Variants in ASB5 observed in about 807,000 individuals in gnomAD.
ASB5 encodes ankyrin repeat and SOCS box protein 5.
ASB5 carries 45 observed loss-of-function variants against 42.1 expected under a neutral mutation model. The observed-to-expected ratio is 1.07, with a 90% confidence interval of 0.84 to 1.37. The LOEUF is 1.37. Ranked by LOEUF, ASB5 falls within the 40% of genes most tolerant of loss-of-function variation. The pLI is 0.00. For synonymous variants in ASB5, 147 were observed against 150.6 expected (o/e 0.98, Z 0.18); for missense variants, 402 against 399.8 (o/e 1.01, Z -0.05).
At chr4:176,255,773 G>T (rs1340450505) in intron 1 of ASB5, among the ~76,000 whole-genome samples, 1 of 152,144 alleles carries the variant, frequency 6.6e-6, no homozygotes, top group African/African-American at 2.4e-5. Context: ...CTCAGTACCT[G>T]GGTGATGAGA....
chr4:176,257,439 C>A (rs1442889516), intron 1 of ASB5, among the ~76,000 whole-genome samples: 3 of 152,174 alleles, frequency 2.0e-5, no homozygotes, highest in Non-Finnish European at 4.4e-5. Flanking sequence ...ACTCCCAACT[C>A]TGAACTAGCC....
At position 176,216,903 on chromosome 4, in the gene ASB5, G is replaced by A. The variant is rs140485541; in HGVS notation, c.777C>T (p.Ile259=). 4.3e-6 allele frequency: 7 copies of A among 1,613,894 alleles called. No homozygotes were observed. In the African/African-American group the frequency reaches 9.3e-5, roughly 22 times the overall value. The change falls in exon 6 of 7, where the codon ATC becomes ATT. Residue 259 remains isoleucine, a synonymous_variant. Coordinates refer to ENST00000296525, the MANE Select transcript of ASB5 (RefSeq NM_080874.4). ...VNLLLEFGAD[I]NAKNTELLRP... Reference sequence around the variant, plus strand: ...GCAGAAGCTCTGTATTTTTGGCATTGATATCTGCTCCAAATTCTAGCAGTA... The same window carrying A: ...GCAGAAGCTCTGTATTTTTGGCATTAATATCTGCTCCAAATTCTAGCAGTA...
In ASB5 at chr4:176,215,609, C is replaced by T; in HGVS notation, c.981G>A (p.Gln327=). 3.7e-6 allele frequency: 6 copies of T among 1,612,086 alleles called. No individual in the cohort carries two copies. The South Asian group carries it at 6.6e-5, about 18-fold the overall frequency. The part of the protein sequence containing the change: ...QLPTLLKNFL[Q]YR The stretch of plus-strand genomic sequence containing the variant: ...GAATTACTTTACTGTTTTATCGATA[C>T]TGTAAGAAATTCTTCAGTAACGTTG... Residue 327 remains glutamine, a synonymous_variant, in exon 7 of 7, where the codon CAG becomes CAA. Transcript: ENST00000296525.
intron 1 of ASB5, among the ~76,000 whole-genome samples, chr4:176,226,913 C>A (rs935571675): frequency 1.3e-5 from 2 of 152,202 alleles, no homozygotes; most frequent in Admixed American, 1.3e-4. Context: ...GCTTCTGCAC[C>A]CAAGCTCTCC....
upstream of ASB5, among the ~76,000 whole-genome samples, chr4:176,271,461 G>T (rs1754467158): frequency 1.3e-5 from 2 of 152,162 alleles, no homozygotes; most frequent in African/African-American, 4.8e-5. Context: ...AGTCATTGAA[G>T]TGACTTACTG....
chr4:176,247,464 A>G (rs1056825245), intron 1 of ASB5, among the ~76,000 whole-genome samples: 5 of 152,216 alleles, frequency 3.3e-5, no homozygotes, highest in Non-Finnish European at 5.9e-5. Flanking sequence ...AAATCAGTTT[A>G]GTGTAGTATA....
intron 1 of ASB5, chr4:176,241,396 G>T: frequency 1.5e-6 from 2 of 1,299,240 alleles, no homozygotes; most frequent in Non-Finnish European, 2.1e-6. Context: ...ACTATTAAGG[G>T]CTCACTAAGT....
chr4:176,255,820 C>T (rs928075404), intron 1 of ASB5, among the ~76,000 whole-genome samples: 11 of 152,080 alleles, frequency 7.2e-5, no homozygotes, highest in South Asian at 6.2e-4. Context: ...ATACAACATA[C>T]CCAGGTAACA....
At chr4:176,253,051 C>T (rs1409240965) in intron 1 of ASB5, among the ~76,000 whole-genome samples, 1 of 152,110 alleles carries the variant, frequency 6.6e-6, no homozygotes, top group African/African-American at 2.4e-5. Flanking sequence ...AAGAAAACAT[C>T]AAAAGAGACT....
At chr4:176,231,405 T>C (rs1753539460) in intron 1 of ASB5, among the ~76,000 whole-genome samples, 1 of 145,124 alleles carries the variant, frequency 6.9e-6, no homozygotes, top group Admixed American at 6.9e-5. Context: ...TCACTCCTCT[T>C]TATTTGAGAA....
rs1754423920 is a variant in ASB5 at position 176,269,174 on chromosome 4, C to T, written c.-66G>A. ...GTCTCAAATGTGCCTGGCTCTCGTC[C>T]GGGATGCTCCTGAACAGCTGGTCCT... On this transcript the variant is annotated 5_prime_UTR_variant, in exon 1 of 7. Coordinates refer to ENST00000296525, the MANE Select transcript of ASB5 (RefSeq NM_080874.4). 1.4e-6 allele frequency: 2 copies of T among 1,459,316 alleles called. No homozygotes were observed. Among genetic ancestry groups the T allele is most frequent in the East Asian group, 2.3e-5 (1 of 42,908 alleles). 90.4% of individuals were successfully genotyped at this position (1,459,316 alleles called of 1,614,324 possible).
chr4:176,230,986 C>T (rs1247730933), intron 1 of ASB5, among the ~76,000 whole-genome samples: 2 of 152,190 alleles, frequency 1.3e-5, no homozygotes, highest in East Asian at 1.9e-4. Flanking sequence ...TAGTTATTCT[C>T]TCTCTGTAGC....
chr4:176,261,674 C>T (rs1010398673), intron 1 of ASB5, among the ~76,000 whole-genome samples: 1 of 152,182 alleles, frequency 6.6e-6, no homozygotes, highest in Non-Finnish European at 1.5e-5. Context: ...GAAGTGCTTA[C>T]AGTCTCAGAT....
At chr4:176,242,865 C>A (rs1296056712) in intron 1 of ASB5, among the ~76,000 whole-genome samples, 3 of 151,970 alleles carry the variant, frequency 2.0e-5, no homozygotes, top group African/African-American at 7.3e-5. Context: ...TTTCTAATTA[C>A]ATTTTGTTAA....
chr4:176,235,549 T>C (rs1753663148), intron 1 of ASB5, among the ~76,000 whole-genome samples: 1 of 152,202 alleles, frequency 6.6e-6, no homozygotes, highest in Non-Finnish European at 1.5e-5. Flanking sequence ...ATCATATAGC[T>C]AGAGCATTAT....
At chr4:176,226,335 G>A (rs1006387374) in intron 1 of ASB5, among the ~76,000 whole-genome samples, 1 of 152,146 alleles carries the variant, frequency 6.6e-6, no homozygotes, top group African/African-American at 2.4e-5. Context: ...CTGACCTTGA[G>A]ACTCTAGGAC....
At chr4:176,246,483 G>A (rs1335143425) in intron 1 of ASB5, among the ~76,000 whole-genome samples, 2 of 152,258 alleles carry the variant, frequency 1.3e-5, no homozygotes, top group Non-Finnish European at 2.9e-5. Context: ...GAGTATGAGT[G>A]TAGACAGTCC....
chr4:176,236,408 T>C (rs1199830735), intron 1 of ASB5, among the ~76,000 whole-genome samples: 2 of 152,226 alleles, frequency 1.3e-5, no homozygotes, highest in African/African-American at 2.4e-5. Flanking sequence ...ATTTGTTGAA[T>C]TGTTGAATTG....
upstream of ASB5, among the ~76,000 whole-genome samples, chr4:176,271,033 A>G (rs1003827974): frequency 3.3e-5 from 5 of 152,228 alleles, no homozygotes; most frequent in African/African-American, 1.2e-4. Context: ...TGGGGTTAAG[A>G]AACATTTTCA....
Sources: gnomAD v4.1 joint callset for allele counts (sites outside exome capture counted in the v4.1 genomes callset) on GRCh38, gnomAD v4.1.1 for gene constraint, MANE v1.5 for transcripts, NCBI Gene and HGNC (gene_info 2026-07-23, HGNC 2026-07-21) for gene names.